TYW1B: variants seen among roughly 807,000 people sequenced by gnomAD.
The protein encoded by TYW1B is tRNA-yW synthesizing protein 1 homolog B, also known as S-adenosyl-L-methionine-dependent tRNA 4-demethylwyosine synthase TYW1B.
In TYW1B, 73 loss-of-function variants were observed where a neutral mutation model predicts 86.9. The ratio of observed to expected loss-of-function variants is 0.84; its 90% CI spans 0.70 to 1.02. TYW1B has a LOEUF of 1.02. Ranked by LOEUF, TYW1B falls within the 50% of genes least tolerant of loss-of-function variation. The pLI is 0.00. For synonymous variants in TYW1B, 248 were observed against 292.8 expected (o/e 0.85, Z 1.56); for missense variants, 637 against 827.4 (o/e 0.77, Z 2.82).
rs1375988042 is a variant in TYW1B, at chr7:72,635,742, G to A, written c.1507-6745C>T. ...TATGGCATTGAATCTATAAGCCAGT[G>A]TTGCTCAATAGAAATATAAGTTCAC... is the stretch of plus-strand genomic sequence containing the variant. On this transcript the variant is annotated intron_variant, in intron 11 of 13. Coordinates refer to ENST00000620995, the MANE Select transcript of TYW1B (RefSeq NM_001145440.3). Among the ~76,000 whole-genome samples, 5 of 152,156 alleles carry A rather than the reference G, an allele frequency of 3.3e-5. No individual in the cohort carries two copies. The East Asian group carries it at 7.7e-4, about 23-fold the overall frequency.
In TYW1B at chr7:72,666,202, C is replaced by T. The variant is rs568657525; in HGVS notation, c.1506+28485G>A. On this transcript the variant is annotated intron_variant, in intron 11 of 13. Coordinates refer to ENST00000620995, the MANE Select transcript of TYW1B (RefSeq NM_001145440.3). ...GTCCAGGTGGGCAGATTGCTTGAGC[C>T]CAGGAGTTCAAGACCAGCCTGGGCA... Among the ~76,000 whole-genome samples, 690 of 151,994 alleles carry T rather than the reference C, an allele frequency of 4.5e-3. 8 individuals are homozygous for T. Among genetic ancestry groups the T allele is most frequent in the African/African-American group, 0.015 (627 of 41,452 alleles).
In TYW1B at chr7:72,782,198, A is replaced by C. The variant is rs546081109; in HGVS notation, c.847-4665T>G. 2.8e-3 allele frequency among the ~76,000 whole-genome samples: 432 copies of C among 152,232 alleles called. 3 individuals carry two copies. The highest frequency in any genetic ancestry group is 6.8e-3 in the Middle Eastern group (2 of 294). Reference sequence around the variant, plus strand: ...GAGCCACTTGGGAGGCTGAGGTGGCAGAATCACTTGAGCCCAGGAGTTCAA... The same window carrying C: ...GAGCCACTTGGGAGGCTGAGGTGGCCGAATCACTTGAGCCCAGGAGTTCAA... On this transcript the variant is annotated intron_variant, in intron 6 of 13. Transcript: ENST00000620995.
At chr7:72,723,111 C>G in intron 9 of TYW1B, 1 of 860,680 alleles carries the variant, frequency 1.2e-6, no homozygotes, top group Non-Finnish European at 1.7e-6. Context: ...GTTCCTCTTG[C>G]CCCCTACCCC....
intron 9 of TYW1B, among the ~76,000 whole-genome samples, chr7:72,719,636 A>AAG (rs1786857798): frequency 6.8e-6 from 1 of 147,404 alleles, no homozygotes; most frequent in Non-Finnish European, 1.5e-5. Flanking sequence ...GTCTCCAAAA[A>AAG]AAAAAAAAAA....
intron 7 of TYW1B, among the ~76,000 whole-genome samples, chr7:72,759,574 T>C (rs782797926): frequency 1.1e-4 from 16 of 152,178 alleles, no homozygotes; most frequent in Non-Finnish European, 2.1e-4. Context: ...GCACTAAGGA[T>C]CATTATTCAA....
At chr7:72,760,434 T>C (rs35375062) in intron 7 of TYW1B, among the ~76,000 whole-genome samples, 7,242 of 152,308 alleles carry the variant, frequency 0.048, 526 homozygotes, top group East Asian at 0.33. Flanking sequence ...CCAACCGTCT[T>C]ATAAACCAGT....
At chr7:72,622,717 C>G (rs1812252661) in intron 12 of TYW1B, among the ~76,000 whole-genome samples, 1 of 151,076 alleles carries the variant, frequency 6.6e-6, no homozygotes, top group South Asian at 2.1e-4. Flanking sequence ...TGCACACACA[C>G]AACACACATA....
rs143122383 is a variant in TYW1B at position 72,825,057 on chromosome 7, G to T, written c.135+1798C>A. Among the ~76,000 whole-genome samples the T allele has an allele frequency of 1.3e-4, 20 of 149,938 alleles. No individual in the cohort carries two copies. The East Asian group carries it at 4.0e-3, about 30-fold the overall frequency. Reference sequence around the variant, plus strand: ...GGCAGAGGTTGCAGTGAGTGAAGATGGCACAACTGCACTCCAGCCTGGGCA... The same window carrying T: ...GGCAGAGGTTGCAGTGAGTGAAGATTGCACAACTGCACTCCAGCCTGGGCA... On this transcript the variant is annotated intron_variant, in intron 2 of 13. Transcript: ENST00000620995.
intron 13 of TYW1B, among the ~76,000 whole-genome samples, chr7:72,585,822 A>G (rs1811262181): frequency 6.6e-6 from 1 of 152,200 alleles, no homozygotes; most frequent in Non-Finnish European, 1.5e-5. Context: ...AATCTCAGGT[A>G]TGTCTTTATC....
intron 13 of TYW1B, among the ~76,000 whole-genome samples, chr7:72,590,540 A>G (rs1305359553): frequency 6.6e-6 from 1 of 152,202 alleles, no homozygotes; most frequent in East Asian, 1.9e-4. Flanking sequence ...ATTAAAAAAT[A>G]AACATATTTA....
intron 11 of TYW1B, among the ~76,000 whole-genome samples, chr7:72,673,513 A>G (rs529381859): frequency 1.6e-3 from 235 of 151,170 alleles, no homozygotes; most frequent in African/African-American, 4.2e-3. Context: ...GGCAAACATC[A>G]CGTGTTCTCA....
intron 13 of TYW1B, among the ~76,000 whole-genome samples, chr7:72,597,443 T>G (rs182894158): frequency 6.6e-6 from 1 of 152,146 alleles, no homozygotes; most frequent in Non-Finnish European, 1.5e-5. Flanking sequence ...TCAAAGAAAG[T>G]AGGAAGGAAA....
rs781921419 is a variant in TYW1B at position 72,713,629 on chromosome 7, C to T, written c.1362G>A (p.Ala454=). 2.7e-5 allele frequency: 44 copies of T among 1,613,150 alleles called. No individual in the cohort carries two copies. The highest frequency in any genetic ancestry group is 2.0e-4 in the South Asian group (18 of 90,860). The change falls in exon 10 of 14, where the codon GCG becomes GCA. Residue 454 remains alanine, a synonymous_variant. Transcript: ENST00000620995. ...SFLVTNAQFP[A]EIRNLEPVTQ... is the part of the protein sequence containing the mutation. ...TAGGCTGGAGAACTCACCTGATTTCCGCAGGAAATTGTGCATTTGTGACCA... is the reference window on the plus strand; with the variant it reads ...TAGGCTGGAGAACTCACCTGATTTCTGCAGGAAATTGTGCATTTGTGACCA...
chr7:72,779,861 G>GAA (rs1233622939), intron 6 of TYW1B, among the ~76,000 whole-genome samples: 2 of 102,846 alleles, frequency 1.9e-5, no homozygotes, highest in East Asian at 2.9e-4. Context: ...TACCAAATGA[G>GAA]AAAAAAAAAA....
Position 72,776,996 on chromosome 7 carries a change from A to C in TYW1B, c.964+420T>G, listed in dbSNP as rs529035985. 7.2e-5 allele frequency among the ~76,000 whole-genome samples: 11 copies of C among 151,984 alleles called. No individual in the cohort carries two copies. In the South Asian group the frequency reaches 2.3e-3, roughly 32 times the overall value. Reference sequence around the variant, plus strand: ...TCGGTCTACTGATTCCCATTTTACTACTCTTTCCTCCACAGGAAACTAATA... The same window carrying C: ...TCGGTCTACTGATTCCCATTTTACTCCTCTTTCCTCCACAGGAAACTAATA... On this transcript the variant is annotated intron_variant, in intron 7 of 13. Transcript: ENST00000620995.
intron 11 of TYW1B, among the ~76,000 whole-genome samples, chr7:72,668,908 C>A (rs1813527210): frequency 6.6e-6 from 1 of 152,106 alleles, no homozygotes; most frequent in South Asian, 2.1e-4. Context: ...CACTTGTCAC[C>A]AAGTCCTGAA....
chr7:72,576,952 C>A (rs1200533805), intron 13 of TYW1B, among the ~76,000 whole-genome samples: 1 of 151,916 alleles, frequency 6.6e-6, no homozygotes, highest in South Asian at 2.1e-4. Flanking sequence ...CATGGTAAAA[C>A]CCCATCGCTA....
intron 8 of TYW1B, among the ~76,000 whole-genome samples, chr7:72,739,510 G>A (rs1787263448): frequency 6.6e-6 from 1 of 151,664 alleles, no homozygotes; most frequent in Non-Finnish European, 1.5e-5. Context: ...GGAGGCTGAG[G>A]CAGGAGAATG....
intron 7 of TYW1B, among the ~76,000 whole-genome samples, chr7:72,764,097 G>GTT (rs1787731936): frequency 6.6e-6 from 1 of 151,794 alleles, no homozygotes; most frequent in African/African-American, 2.4e-5. Flanking sequence ...CTATGATCCT[G>GTT]GTTGTTATCT....
Sources: gnomAD v4.1 joint callset for allele counts (sites outside exome capture counted in the v4.1 genomes callset) on GRCh38, gnomAD v4.1.1 for gene constraint, MANE v1.5 for transcripts, NCBI Gene and HGNC (gene_info 2026-07-23, HGNC 2026-07-21) for gene names.